The following CNTN3 variants were observed in gnomAD, a reference collection of about 807,000 sequenced individuals.
CNTN3 encodes contactin 3, also known as contactin-3.
A neutral mutation model predicts 119.1 loss-of-function variants in CNTN3; 60 were observed. That is an observed-to-expected ratio of 0.50 (90% CI 0.41 to 0.62). The LOEUF (loss-of-function observed/expected upper bound fraction) is 0.62. Ranked by LOEUF, CNTN3 falls within the 20% of genes least tolerant of loss-of-function variation. The pLI, the probability that CNTN3 is intolerant of heterozygous loss-of-function variation, is 0.00. For synonymous variants in CNTN3, 450 were observed against 438.7 expected (o/e 1.03, Z -0.32); for missense variants, 1,101 against 1,242.4 (o/e 0.89, Z 1.71).
At chr3:74,585,166 T>C (rs1176589706) in intron 1 of CNTN3, among the ~76,000 whole-genome samples, 3 of 152,154 alleles carry the variant, frequency 2.0e-5, no homozygotes, top group African/African-American at 2.4e-5. Flanking sequence ...TTTACATACA[T>C]GGAGAGTGAT....
intron 11 of CNTN3, among the ~76,000 whole-genome samples, chr3:74,341,796 A>C (rs145693986): frequency 2.0e-4 from 30 of 152,280 alleles, no homozygotes; most frequent in African/African-American, 7.2e-4. Flanking sequence ...ATAATAATGC[A>C]GTGTGTTTTA....
intron 4 of CNTN3, among the ~76,000 whole-genome samples, chr3:74,483,453 A>G (rs1293131364): frequency 2.6e-5 from 4 of 152,086 alleles, no homozygotes; most frequent in Admixed American, 2.6e-4. Flanking sequence ...GGGTGTGCCA[A>G]GAAGGAATGA....
intron 13 of CNTN3, among the ~76,000 whole-genome samples, chr3:74,330,723 C>A (rs1703244677): frequency 6.6e-6 from 1 of 152,102 alleles, no homozygotes; most frequent in Non-Finnish European, 1.5e-5. Context: ...ATTGCCCCTG[C>A]AGACCTCCCA....
At chr3:74,406,628 A>G (rs1336139666) in intron 5 of CNTN3, among the ~76,000 whole-genome samples, 2 of 152,068 alleles carry the variant, frequency 1.3e-5, no homozygotes, top group African/African-American at 2.4e-5. Flanking sequence ...ACTGTATGCA[A>G]TGGCAACTGT....
In CNTN3 at chr3:74,313,399, C is replaced by A. The variant is rs1470196241; in HGVS notation, c.1669-10592G>T. ...CAAAAACTAAAACAAGCAAACAAAA[C>A]CCAAGAAATAAAACACCTTGGCATA... On this transcript the variant is annotated intron_variant, in intron 13 of 22. Transcript: ENST00000263665. Among the ~76,000 whole-genome samples the A allele has an allele frequency of 2.0e-5, 3 of 151,076 alleles. No individual in the cohort carries two copies. The East Asian group carries it at 5.8e-4, about 29-fold the overall frequency.
rs561231836 is a variant in CNTN3 at position 74,272,269 on chromosome 3, T to C, written c.2705-4891A>G. Among the ~76,000 whole-genome samples, 10 of 152,318 alleles carry C rather than the reference T, an allele frequency of 6.6e-5. No homozygotes were observed. The East Asian group carries it at 1.9e-3, about 29-fold the overall frequency. On this transcript the variant is annotated intron_variant, in intron 20 of 22. Coordinates refer to ENST00000263665, the MANE Select transcript of CNTN3 (RefSeq NM_020872.3). Reference sequence around the variant, plus strand: ...GCATTCAAAGCTGTCCTGAGCCACATGTGGCTCTCTGGCTGTGGGTTGGAC... The same window carrying C: ...GCATTCAAAGCTGTCCTGAGCCACACGTGGCTCTCTGGCTGTGGGTTGGAC...
chr3:74,344,931 G>A (rs928621497), intron 11 of CNTN3, among the ~76,000 whole-genome samples: 1 of 151,974 alleles, frequency 6.6e-6, no homozygotes, highest in African/African-American at 2.4e-5. Context: ...GAGGGGATCA[G>A]ATCATCTAAG....
At chr3:74,398,032 G>C (rs1052455023) in intron 5 of CNTN3, among the ~76,000 whole-genome samples, 1 of 152,170 alleles carries the variant, frequency 6.6e-6, no homozygotes, top group Admixed American at 6.5e-5. Context: ...GTGGTTTCTT[G>C]AGATGAAATC....
chr3:74,364,012 G>C (rs1398879358), intron 10 of CNTN3, among the ~76,000 whole-genome samples: 1 of 152,082 alleles, frequency 6.6e-6, no homozygotes, highest in African/African-American at 2.4e-5. Flanking sequence ...AAGCAGTGGA[G>C]CCTTGGACAA....
At chr3:74,455,464 C>CAGA (rs1702249820) in intron 4 of CNTN3, among the ~76,000 whole-genome samples, 2 of 151,496 alleles carry the variant, frequency 1.3e-5, no homozygotes, top group Admixed American at 6.6e-5. Context: ...TCCTGTAGCT[C>CAGA]GTAGTTTGAT....
At chr3:74,573,930 A>C (rs950068966) in intron 1 of CNTN3, among the ~76,000 whole-genome samples, 2 of 152,188 alleles carry the variant, frequency 1.3e-5, no homozygotes, top group African/African-American at 4.8e-5. Flanking sequence ...TATGTGACCA[A>C]GCAGTCCTAC....
intron 5 of CNTN3, among the ~76,000 whole-genome samples, chr3:74,382,349 AC>A (rs1318668133): frequency 6.6e-6 from 1 of 152,228 alleles, no homozygotes; most frequent in African/African-American, 2.4e-5. Context: ...CAACTAGCTC[AC>A]ATACTTATCC....
At chr3:74,401,691 G>C (rs1420137545) in intron 5 of CNTN3, among the ~76,000 whole-genome samples, 1 of 152,132 alleles carries the variant, frequency 6.6e-6, no homozygotes, top group Non-Finnish European at 1.5e-5. Flanking sequence ...GCAACATAAT[G>C]TAATGTGGGC....
intron 5 of CNTN3, among the ~76,000 whole-genome samples, chr3:74,380,752 T>C (rs1704595749): frequency 6.6e-6 from 1 of 152,202 alleles, no homozygotes; most frequent in Non-Finnish European, 1.5e-5. Context: ...AAATGTGCAA[T>C]AAAATATCTG....
intron 5 of CNTN3, among the ~76,000 whole-genome samples, chr3:74,401,507 C>T (rs1325970988): frequency 2.0e-5 from 3 of 150,310 alleles, no homozygotes; most frequent in East Asian, 3.9e-4. Flanking sequence ...ACACCACACA[C>T]GCGCGCACGC....
chr3:74,521,643 A>G (rs995518965), intron 1 of CNTN3, among the ~76,000 whole-genome samples: 1 of 151,874 alleles, frequency 6.6e-6, no homozygotes, highest in African/African-American at 2.4e-5. Context: ...AGCATTATCA[A>G]TGTCCATCTT....
At chr3:74,292,435 G>C (rs145181220) in intron 19 of CNTN3, among the ~76,000 whole-genome samples, 9 of 152,188 alleles carry the variant, frequency 5.9e-5, no homozygotes, top group African/African-American at 2.2e-4. Context: ...GCGTGGTGGC[G>C]TGCACCTGTA....
chr3:74,293,565 C>T (rs1702276937), intron 19 of CNTN3, among the ~76,000 whole-genome samples: 1 of 152,142 alleles, frequency 6.6e-6, no homozygotes, highest in African/African-American at 2.4e-5. Flanking sequence ...GCCTCGACCT[C>T]CTGGGCTCAA....
rs186945204 is a variant in CNTN3 at position 74,282,676 on chromosome 3, G to C, written c.2704+2629C>G. 2.2e-3 allele frequency among the ~76,000 whole-genome samples: 327 copies of C among 151,892 alleles called. 2 individuals carry two copies. The highest frequency in any genetic ancestry group is 3.7e-4 in the Non-Finnish European group (25 of 67,918). On this transcript the variant is annotated intron_variant, in intron 20 of 22. Coordinates refer to ENST00000263665, the MANE Select transcript of CNTN3 (RefSeq NM_020872.3). ...TCTCTTCATAGTGATAATCACAAGA[G>C]CCTTACCAAAATTTTAAATAGGATT...
Sources: gnomAD v4.1 joint callset for allele counts (sites outside exome capture counted in the v4.1 genomes callset) on GRCh38, gnomAD v4.1.1 for gene constraint, MANE v1.5 for transcripts, NCBI Gene and HGNC (gene_info 2026-07-23, HGNC 2026-07-21) for gene names.